Variants in XKR6 observed in about 807,000 individuals in gnomAD.
The protein encoded by XKR6 is XK-related protein 6.
A neutral mutation model predicts 56.7 loss-of-function variants in XKR6; 22 were observed. The ratio of observed to expected loss-of-function variants is 0.39; its 90% CI spans 0.28 to 0.55. The LOEUF (loss-of-function observed/expected upper bound fraction) is 0.55. Ranked by LOEUF, XKR6 falls within the 20% of genes least tolerant of loss-of-function variation. XKR6 has a pLI of 0.66. For missense variants in XKR6, 852 were observed against 889.0 expected (o/e 0.96, Z 0.53); for synonymous variants, 524 against 387.8 (o/e 1.35, Z -4.13).
At chr8:10,923,782 T>C (rs1800793916) in intron 2 of XKR6, among the ~76,000 whole-genome samples, 1 of 152,190 alleles carries the variant, frequency 6.6e-6, no homozygotes, top group African/African-American at 2.4e-5. Flanking sequence ...CAGGAGGTAC[T>C]GCTGGCCAGG....
At chr8:11,127,765 T>G (rs71518511) in intron 1 of XKR6, among the ~76,000 whole-genome samples, 2 of 152,210 alleles carry the variant, frequency 1.3e-5, no homozygotes. Flanking sequence ...CAATGTGCGG[T>G]TACATATTTA....
At chr8:11,167,888 CT>C (rs1383800205) in intron 1 of XKR6, among the ~76,000 whole-genome samples, 6 of 105,078 alleles carry the variant, frequency 5.7e-5, no homozygotes, top group African/African-American at 3.0e-4. Flanking sequence ...GACCCCATCT[CT>C]TAAAAAAAAA....
chr8:11,135,403 T>C (rs564326794), intron 1 of XKR6, among the ~76,000 whole-genome samples: 1 of 152,172 alleles, frequency 6.6e-6, no homozygotes, highest in Non-Finnish European at 1.5e-5. Flanking sequence ...TACCCCAGGA[T>C]AGATAGAATA....
intron 1 of XKR6, chr8:11,128,889 G>C (rs1799960837): frequency 2.2e-6 from 1 of 456,672 alleles, no homozygotes; most frequent in Admixed American, 2.3e-5. Context: ...TCTTGCCTTG[G>C]TCACTGCTAA....
chr8:11,165,248 C>T (rs1802013634), intron 1 of XKR6, among the ~76,000 whole-genome samples: 1 of 151,848 alleles, frequency 6.6e-6, no homozygotes. Flanking sequence ...TACAAGTGTG[C>T]ACCACCACAC....
chr8:11,038,170 C>CT (rs1799194142), intron 1 of XKR6, among the ~76,000 whole-genome samples: 1 of 152,172 alleles, frequency 6.6e-6, no homozygotes, highest in Admixed American at 6.5e-5. Context: ...AAGTGACATT[C>CT]TAAGTTTTAA....
chr8:10,976,277 T>C (rs533800043), intron 1 of XKR6, among the ~76,000 whole-genome samples: 29 of 152,094 alleles, frequency 1.9e-4, no homozygotes, highest in Non-Finnish European at 3.5e-4. Context: ...GAGTGACTGA[T>C]TGTAAACAAG....
chr8:11,142,630 A>C (rs1800764573), intron 1 of XKR6, among the ~76,000 whole-genome samples: 1 of 152,096 alleles, frequency 6.6e-6, no homozygotes, highest in Non-Finnish European at 1.5e-5. Context: ...TTGCCATGTG[A>C]GATGCCTTCT....
chr8:10,940,040 T>A (rs1465914393), intron 1 of XKR6, among the ~76,000 whole-genome samples: 3 of 152,164 alleles, frequency 2.0e-5, no homozygotes. Flanking sequence ...CGTCGACGTG[T>A]AATGCAATGT....
chr8:10,915,339 T>C (rs1018324860), intron 2 of XKR6, among the ~76,000 whole-genome samples: 1 of 109,202 alleles, frequency 9.2e-6, no homozygotes, highest in Non-Finnish European at 2.0e-5. Flanking sequence ...AAACTTGCCG[T>C]TGTCAGAGCC....
At chr8:11,018,645 G>A (rs1438118225) in intron 1 of XKR6, among the ~76,000 whole-genome samples, 1 of 152,154 alleles carries the variant, frequency 6.6e-6, no homozygotes, top group East Asian at 1.9e-4. Context: ...TGGGAGGGAT[G>A]GATCCTTATT....
chr8:11,186,625 C>A (rs969319083), intron 1 of XKR6, among the ~76,000 whole-genome samples: 3 of 152,202 alleles, frequency 2.0e-5, no homozygotes, highest in African/African-American at 7.2e-5. Flanking sequence ...AGTGATCTTC[C>A]CACCTTGGCC....
chr8:11,032,738 G>C (rs972774624), intron 1 of XKR6, among the ~76,000 whole-genome samples: 1 of 152,132 alleles, frequency 6.6e-6, no homozygotes, highest in Admixed American at 6.5e-5. Flanking sequence ...CTGCTCCAGG[G>C]CATGGTCAAA....
intron 2 of XKR6, among the ~76,000 whole-genome samples, chr8:10,910,554 G>C (rs1351859472): frequency 6.6e-6 from 1 of 152,146 alleles, no homozygotes; most frequent in African/African-American, 2.4e-5. Context: ...CAGGAAAGAC[G>C]ACATGTGAGA....
chr8:11,063,702 G>C (rs1318017922), intron 1 of XKR6, among the ~76,000 whole-genome samples: 2 of 152,138 alleles, frequency 1.3e-5, no homozygotes, highest in Admixed American at 1.3e-4. Context: ...GCCGATGCCA[G>C]GAACATCCAC....
intron 1 of XKR6, among the ~76,000 whole-genome samples, chr8:10,930,652 A>G (rs997826165): frequency 1.3e-5 from 2 of 152,256 alleles, no homozygotes; most frequent in Admixed American, 1.3e-4. Flanking sequence ...ATATTCAAAA[A>G]TCAATCAATG....
At chr8:11,102,162 C>CT (rs568640640) in intron 1 of XKR6, among the ~76,000 whole-genome samples, 130 of 152,286 alleles carry the variant, frequency 8.5e-4, no homozygotes, top group South Asian at 1.5e-3. Flanking sequence ...TAAACATCGT[C>CT]TTTTTCACAT....
chr8:10,986,884 G>A (rs1797875606), intron 1 of XKR6, among the ~76,000 whole-genome samples: 1 of 151,560 alleles, frequency 6.6e-6, no homozygotes, highest in Non-Finnish European at 1.5e-5. Context: ...CAAGCCTTCT[G>A]CCTCAGCCCC....
At chr8:11,190,165 GA>G (rs1803483281) in intron 1 of XKR6, among the ~76,000 whole-genome samples, 1 of 85,452 alleles carries the variant, frequency 1.2e-5, no homozygotes, top group African/African-American at 4.5e-5. Flanking sequence ...CAAAAAAAAA[GA>G]AAGAAAGAAA....
Sources: allele counts gnomAD v4.1 joint callset (sites outside exome capture counted in the v4.1 genomes callset), GRCh38; gene constraint gnomAD v4.1.1; transcripts MANE v1.5; gene names NCBI Gene and HGNC (gene_info 2026-07-23, HGNC 2026-07-21).